Variants in RIMBP2 observed in about 807,000 individuals in gnomAD.
The protein encoded by RIMBP2 is RIMS-binding protein 2.
RIMBP2 carries 48 observed loss-of-function variants against 118.6 expected under a neutral mutation model. That is an observed-to-expected ratio of 0.40 (90% CI 0.32 to 0.51). The LOEUF (loss-of-function observed/expected upper bound fraction) is 0.51, where lower values mean the gene tolerates loss of function less well. RIMBP2 is among the 20% of genes least tolerant of loss of function. The pLI is 0.41. For synonymous variants in RIMBP2, 762 were observed against 742.9 expected (o/e 1.03, Z -0.42); for missense variants, 1,551 against 1,768.3 (o/e 0.88, Z 2.20).
At chr12:130,692,967 T>G (rs894409305) in intron 1 of RIMBP2, among the ~76,000 whole-genome samples, 6 of 149,918 alleles carry the variant, frequency 4.0e-5, no homozygotes, top group African/African-American at 1.5e-4. Flanking sequence ...AACAAACAGG[T>G]GAGAGTTAGG....
At chr12:130,435,872 C>T (rs961895079) in intron 13 of RIMBP2, among the ~76,000 whole-genome samples, 2 of 152,198 alleles carry the variant, frequency 1.3e-5, no homozygotes, top group African/African-American at 2.4e-5. Context: ...CCTTTCTGTC[C>T]TCCTAGACAC....
At position 130,663,525 on chromosome 12, in the gene RIMBP2, CATAA is replaced by C. The variant is rs572453680; in HGVS notation, c.-351-35073_-351-35070del. 1.2e-3 allele frequency among the ~76,000 whole-genome samples: 189 copies of C among 151,812 alleles called. 7 individuals carry two copies. The highest frequency in any genetic ancestry group is 4.4e-3 in the African/African-American group (181 of 41,130). ...TTATAAAAGTACAAAGTGCCAGAAACATAAATAGATGACTCACCAAAAAGACACT... is the reference window on the plus strand; with the variant it reads ...TTATAAAAGTACAAAGTGCCAGAAACATAGATGACTCACCAAAAAGACACT... On this transcript the variant is annotated intron_variant, in intron 1 of 22. Transcript: ENST00000690449.
intron 1 of RIMBP2, among the ~76,000 whole-genome samples, chr12:130,690,759 C>T (rs935950732): frequency 6.6e-6 from 1 of 152,122 alleles, no homozygotes; most frequent in Non-Finnish European, 1.5e-5. Context: ...AGATTTTTCT[C>T]GGGGTGGAAT....
intron 4 of RIMBP2, among the ~76,000 whole-genome samples, chr12:130,493,601 C>T (rs1047294051): frequency 6.6e-6 from 1 of 152,126 alleles, no homozygotes; most frequent in Non-Finnish European, 1.5e-5. Flanking sequence ...AGGCGGGAGC[C>T]ACCATGCCCA....
intron 3 of RIMBP2, among the ~76,000 whole-genome samples, chr12:130,507,198 C>T (rs1312770664): frequency 1.3e-5 from 2 of 152,204 alleles, no homozygotes; most frequent in Non-Finnish European, 2.9e-5. Flanking sequence ...AGACAAACAG[C>T]TGGAACTACT....
chr12:130,651,726 T>C (rs965485483), intron 1 of RIMBP2, among the ~76,000 whole-genome samples: 4 of 152,276 alleles, frequency 2.6e-5, no homozygotes, highest in Non-Finnish European at 5.9e-5. Flanking sequence ...TTTCTAGTGA[T>C]GCACATTCAT....
intron 1 of RIMBP2, among the ~76,000 whole-genome samples, chr12:130,650,248 C>T (rs1432267211): frequency 2.0e-5 from 3 of 152,066 alleles, no homozygotes; most frequent in Admixed American, 6.5e-5. Context: ...GGTGCTGACT[C>T]GTGCCCACCT....
At chr12:130,456,435 G>A (rs1328603060) in intron 7 of RIMBP2, 61 bp downstream of exon 7, 15 of 1,448,938 alleles carry the variant, frequency 1.0e-5, no homozygotes, top group South Asian at 4.0e-5. Context: ...GCACACCCTC[G>A]CAGGCAGCCA....
At chr12:130,414,619 C>T in intron 17 of RIMBP2, 1 of 235,402 alleles carries the variant, frequency 4.2e-6, no homozygotes, top group Non-Finnish European at 8.3e-6. Flanking sequence ...GCAGGATGGC[C>T]CATGCTGGGG....
intron 1 of RIMBP2, among the ~76,000 whole-genome samples, chr12:130,634,760 GAA>G (rs1250052206): frequency 1.3e-5 from 2 of 151,804 alleles, no homozygotes; most frequent in Non-Finnish European, 2.9e-5. Flanking sequence ...CCTGGCTAAT[GAA>G]AAAATATATA....
At chr12:130,478,649 G>A (rs756314882) in intron 5 of RIMBP2, among the ~76,000 whole-genome samples, 1 of 152,192 alleles carries the variant, frequency 6.6e-6, no homozygotes, top group Non-Finnish European at 1.5e-5. Context: ...CCATCTCTAC[G>A]CATGTGTTTT....
intron 1 of RIMBP2, among the ~76,000 whole-genome samples, chr12:130,668,724 C>G (rs1323827800): frequency 1.3e-5 from 2 of 152,250 alleles, no homozygotes; most frequent in Non-Finnish European, 2.9e-5. Context: ...GGCCGGCTCT[C>G]CCCTGCCCTC....
At chr12:130,668,308 A>G (rs1182014729) in intron 1 of RIMBP2, 2 of 152,236 alleles carry the variant, frequency 1.3e-5, no homozygotes, top group Non-Finnish European at 2.9e-5. Context: ...AGCCCCACAA[A>G]CAGCCTGTAT....
At position 130,442,541 on chromosome 12, in the gene RIMBP2, G is replaced by T. The variant is rs1290343201; in HGVS notation, c.811C>A (p.His271Asn). The T allele has an allele frequency of 1.9e-6, 3 of 1,614,078 alleles. No individual in the cohort carries two copies. The highest frequency in any genetic ancestry group is 2.2e-5 in the South Asian group (2 of 91,090). ...GNEQDQNFIN[H>N]SGIGLEGEHI... is the part of the protein sequence containing the mutation. Reference sequence around the variant, plus strand: ...TCTCCCTCCAGGCCGATGCCGGAATGGTTGATGAAGTTCTGATCCTGCTCG... The same window carrying T: ...TCTCCCTCCAGGCCGATGCCGGAATTGTTGATGAAGTTCTGATCCTGCTCG... Residue 271 changes from histidine (H) to asparagine (N), a missense_variant, in exon 11 of 23, where the codon CAT becomes AAT. Physicochemically the swap from His to Asn is moderately conservative, Grantham distance 68. Transcript: ENST00000690449. The surrounding 1 kb of genome is among the most constrained non-coding windows in gnomAD (Gnocchi z 6.9).
At position 130,581,227 on chromosome 12, in the gene RIMBP2, G is replaced by A. The variant is rs976961802; in HGVS notation, c.-217+47095C>T. 2.0e-5 allele frequency among the ~76,000 whole-genome samples: 3 copies of A among 152,138 alleles called. No individual in the cohort carries two copies. Among genetic ancestry groups the A allele is most frequent in the Non-Finnish European group, 4.4e-5 (3 of 68,028 alleles). ...TCTGGGTCATCAACTGAAATGCCCC[G>A]TGGTCCCAGGTCACACAGGGGTGTG... On this transcript the variant is annotated intron_variant, in intron 2 of 22. Transcript: ENST00000690449. The surrounding 1 kb of genome is among the most constrained non-coding windows in gnomAD (Gnocchi z 4.4).
At chr12:130,561,507 G>A (rs112053033) in intron 2 of RIMBP2, among the ~76,000 whole-genome samples, 19 of 152,092 alleles carry the variant, frequency 1.2e-4, no homozygotes, top group African/African-American at 4.6e-4. Context: ...CTTAATTGCA[G>A]GAGTTTGTAA....
chr12:130,667,411 G>C (rs1412680501), intron 1 of RIMBP2: 1 of 152,234 alleles, frequency 6.6e-6, no homozygotes, highest in Non-Finnish European at 1.5e-5. Context: ...CAGGATACAG[G>C]AATCAAAAAG....
intron 5 of RIMBP2, among the ~76,000 whole-genome samples, chr12:130,477,121 A>G (rs1447657884): frequency 6.6e-6 from 1 of 152,214 alleles, no homozygotes; most frequent in African/African-American, 2.4e-5. Flanking sequence ...CCACTAGTGA[A>G]GCATCAGTGT....
In RIMBP2 at chr12:130,450,979, C is replaced by T. The variant is rs1330164439; in HGVS notation, c.504+216G>A. 1.3e-5 allele frequency among the ~76,000 whole-genome samples: 2 copies of T among 152,220 alleles called. No individual in the cohort carries two copies. The highest frequency in any genetic ancestry group is 2.9e-5 in the Non-Finnish European group (2 of 68,048). Reference sequence around the variant, plus strand: ...GCCTCGCCAGTGTTCTCTCTGCTCCCCCTTAGAACAGGGACCTCACCTGTG... The same window carrying T: ...GCCTCGCCAGTGTTCTCTCTGCTCCTCCTTAGAACAGGGACCTCACCTGTG... On this transcript the variant is annotated intron_variant, in intron 8 of 22. Transcript: ENST00000690449. This position sits in a 1 kb window ranked among gnomAD's most constrained non-coding sequence, Gnocchi z 4.8.
Sources: gnomAD v4.1 joint callset for allele counts (sites outside exome capture counted in the v4.1 genomes callset) on GRCh38, gnomAD v4.1.1 for gene constraint, Gnocchi (gnomAD v3.1) non-coding constraint, MANE v1.5 for transcripts, NCBI Gene and HGNC (gene_info 2026-07-23, HGNC 2026-07-21) for gene names.